The following DOCK7 variants were observed in gnomAD, a reference collection of about 807,000 sequenced individuals.
The protein encoded by DOCK7 is dedicator of cytokinesis protein 7.
Under a neutral mutation model 271.0 loss-of-function variants are expected in DOCK7, and 138 were observed. The ratio of observed to expected loss-of-function variants is 0.51; its 90% CI spans 0.44 to 0.59. DOCK7 has a LOEUF of 0.59. DOCK7 is among the 20% of genes least tolerant of loss of function. The pLI, the probability that DOCK7 is intolerant of heterozygous loss-of-function variation, is 0.00. For missense variants in DOCK7, 2,066 were observed against 2,592.4 expected (o/e 0.80, Z 4.41); for synonymous variants, 823 against 876.1 (o/e 0.94, Z 1.07).
chr1:62,671,774 CCTATT>C (rs1223017496), intron 1 of DOCK7, among the ~76,000 whole-genome samples: 3 of 152,026 alleles, frequency 2.0e-5, no homozygotes, highest in African/African-American at 7.3e-5. Flanking sequence ...ACAATACTCT[CCTATT>C]CTGTATGAAA....
chr1:62,651,639 T>G (rs548725532), intron 4 of DOCK7, among the ~76,000 whole-genome samples: 1 of 152,044 alleles, frequency 6.6e-6, no homozygotes, highest in East Asian at 2.0e-4. Context: ...AATCAAAATT[T>G]TAATTTCCAA....
chr1:62,562,233 C>CTTTTTTT lies in DOCK7; in HGVS notation c.2113-537_2113-531dup, dbSNP rs59893499. Among the ~76,000 whole-genome samples the CTTTTTTT allele has an allele frequency of 1.9e-3, 226 of 121,244 alleles. 14 individuals carry two copies. The highest frequency in any genetic ancestry group is 6.4e-3 in the African/African-American group (213 of 33,232). The allele number at this position is 121,244 out of a possible 152,430, so 79.5% of individuals were successfully genotyped here. On this transcript the variant is annotated intron_variant, in intron 18 of 49. Coordinates refer to ENST00000635253, the MANE Select transcript of DOCK7 (RefSeq NM_001367561.1). ...GCCTGTTGGTTTAAGGATCCAAAAA[C>CTTTTTTT]TTTTTTTTTTTTTTTTGAAATAGAG...
chr1:62,584,912 G>C, intron 15 of DOCK7: 1 of 698,386 alleles, frequency 1.4e-6, no homozygotes, highest in South Asian at 1.6e-5. Context: ...ATAAGACAAG[G>C]AAGAGTTTGT....
Position 62,578,873 on chromosome 1 carries a change from A to G in DOCK7, c.1965T>C (p.Cys655=), listed in dbSNP as rs1459831236. 6.2e-7 allele frequency: 1 copy of G among 1,608,656 alleles called. No homozygotes were observed. The highest frequency in any genetic ancestry group is 2.2e-5 in the East Asian group (1 of 44,486). ...CAAGAGGAGTATTTTGTTTTTGTTGACAACTAACATGATAAAAAGTAAAAA... is the reference window on the plus strand; with the variant it reads ...CAAGAGGAGTATTTTGTTTTTGTTGGCAACTAACATGATAAAAAGTAAAAA... The part of the protein sequence containing the change: ...HLLFTFYHVS[C]QQKQNTPLET... Residue 655 remains cysteine, a synonymous_variant, in exon 17 of 50, where the codon TGT becomes TGC. Coordinates refer to ENST00000635253, the MANE Select transcript of DOCK7 (RefSeq NM_001367561.1).
intron 15 of DOCK7, 141 bp from the exon 16 acceptor site, chr1:62,583,395 C>T (rs1162558101): frequency 1.8e-5 from 11 of 623,792 alleles, no homozygotes; most frequent in South Asian, 2.6e-5. Flanking sequence ...TGCCTACTGA[C>T]GTTCATCAAA....
chr1:62,467,713 C>T (rs1440505176), intron 48 of DOCK7, among the ~76,000 whole-genome samples: 1 of 152,170 alleles, frequency 6.6e-6, no homozygotes, highest in African/African-American at 2.4e-5. Context: ...TGACATTATT[C>T]CACAAGACAG....
intron 48 of DOCK7, among the ~76,000 whole-genome samples, chr1:62,465,338 C>T (rs1405466893): frequency 6.6e-6 from 1 of 152,082 alleles, no homozygotes; most frequent in Non-Finnish European, 1.5e-5. Context: ...TGAAGTGCCA[C>T]TAGTGATGCT....
At chr1:62,678,419 C>T (rs1316044118) in intron 1 of DOCK7, among the ~76,000 whole-genome samples, 1 of 152,004 alleles carries the variant, frequency 6.6e-6, no homozygotes, top group Non-Finnish European at 1.5e-5. Flanking sequence ...TTGTTATATA[C>T]CCAGGAATAA....
intron 14 of DOCK7, among the ~76,000 whole-genome samples, chr1:62,611,447 G>GT (rs1455234780): frequency 1.3e-5 from 2 of 152,130 alleles, no homozygotes; most frequent in Non-Finnish European, 2.9e-5. Flanking sequence ...TCTTCTTTGA[G>GT]TATCATATGG....
intron 35 of DOCK7, among the ~76,000 whole-genome samples, chr1:62,507,604 C>G (rs752795597): frequency 2.6e-5 from 4 of 152,204 alleles, no homozygotes; most frequent in Non-Finnish European, 1.5e-5. Flanking sequence ...CTGTGGTATA[C>G]AGAGGATACT....
chr1:62,601,163 C>T lies in DOCK7; in HGVS notation c.1683-14539G>A. On this transcript the variant is annotated intron_variant, in intron 14 of 49. Transcript: ENST00000635253. ...AGCACCAAGAACTACTCCCTTTCTT[C>T]AGTTGAATGAAATAAGAAATGTAAA... is the stretch of plus-strand genomic sequence containing the variant. 6.2e-7 allele frequency: 1 copy of T among 1,609,748 alleles called. No individual in the cohort carries two copies. Among genetic ancestry groups the T allele is most frequent in the Middle Eastern group, 1.7e-4 (1 of 6,044 alleles).
At chr1:62,482,728 A>C (rs906229592) in intron 43 of DOCK7, 2 of 152,186 alleles carry the variant, frequency 1.3e-5, no homozygotes, top group African/African-American at 4.8e-5. Flanking sequence ...TTTCTTGAGA[A>C]TTCTTACAAA....
intron 48 of DOCK7, 133 bp from the exon 49 acceptor site, chr1:62,457,838 T>C: frequency 1.2e-6 from 1 of 821,754 alleles, no homozygotes; most frequent in Non-Finnish European, 1.9e-6. Flanking sequence ...TATGTGGGCC[T>C]AATCACACAC....
intron 43 of DOCK7, 118 bp from the exon 44 acceptor site, chr1:62,477,943 T>A: frequency 8.8e-7 from 1 of 1,135,598 alleles, no homozygotes; most frequent in Non-Finnish European, 1.2e-6. Flanking sequence ...AAGTTTTAAT[T>A]CAAAATTATA....
chr1:62,557,783 CCTTT>C (rs1183865168), intron 20 of DOCK7, among the ~76,000 whole-genome samples: 1 of 151,688 alleles, frequency 6.6e-6, no homozygotes, highest in African/African-American at 2.4e-5. Context: ...ACAATGCTAA[CCTTT>C]TTTTCCTTAA....
intron 29 of DOCK7, among the ~76,000 whole-genome samples, chr1:62,534,659 T>A (rs953673994): frequency 6.6e-6 from 1 of 152,064 alleles, no homozygotes; most frequent in Non-Finnish European, 1.5e-5. Context: ...AATCACATCA[T>A]CAGACAATAT....
At chr1:62,641,237 G>A (rs1485270104) in intron 7 of DOCK7, 2 of 405,888 alleles carry the variant, frequency 4.9e-6, no homozygotes, top group Non-Finnish European at 9.6e-6. Context: ...GTGGATCTTA[G>A]CTTTCTTCTT....
intron 7 of DOCK7, among the ~76,000 whole-genome samples, chr1:62,643,465 T>C (rs1040344293): frequency 5.3e-5 from 8 of 152,246 alleles, no homozygotes; most frequent in African/African-American, 1.9e-4. Context: ...CTGGCTTCCA[T>C]TGCTGCTGTG....
intron 2 of DOCK7, among the ~76,000 whole-genome samples, chr1:62,656,664 C>T (rs1351881134): frequency 3.3e-5 from 5 of 151,902 alleles, no homozygotes; most frequent in East Asian, 1.9e-4. Context: ...AAAGGCTGGC[C>T]GGCAGGGACA....
Sources: allele counts gnomAD v4.1 joint callset (sites outside exome capture counted in the v4.1 genomes callset), GRCh38; gene constraint gnomAD v4.1.1; transcripts MANE v1.5; gene names NCBI Gene and HGNC (gene_info 2026-07-23, HGNC 2026-07-21).